FILIP1L: variants seen among roughly 807,000 people sequenced by gnomAD.
FILIP1L encodes filamin A interacting protein 1 like.
A neutral mutation model predicts 96.6 loss-of-function variants in FILIP1L; 55 were observed. The observed-to-expected ratio is 0.57, with a 90% CI of 0.46 to 0.71. The LOEUF is 0.71. Ranked by LOEUF, FILIP1L falls within the 30% of genes least tolerant of loss-of-function variation. FILIP1L has a pLI of 0.00. For synonymous variants in FILIP1L, 467 were observed against 473.9 expected, an observed-to-expected ratio of 0.99 and a Z score of 0.19; for missense variants, 1,304 against 1,321.2, an observed-to-expected ratio of 0.99 and a Z score of 0.20.
At chr3:100,000,644 G>T (rs1709816063) in intron 1 of FILIP1L, among the ~76,000 whole-genome samples, 1 of 152,200 alleles carries the variant, frequency 6.6e-6, no homozygotes, top group Non-Finnish European at 1.5e-5. Context: ...GGGCCCAGGA[G>T]TTCAAGGCCA....
At chr3:100,000,639 C>G (rs1259175521) in intron 1 of FILIP1L, among the ~76,000 whole-genome samples, 1 of 152,164 alleles carries the variant, frequency 6.6e-6, no homozygotes, top group Admixed American at 6.5e-5. Flanking sequence ...TGCTTGGGCC[C>G]AGGAGTTCAA....
At position 99,850,830 on chromosome 3, in the gene FILIP1L, C is replaced by A. The variant is rs761305455; in HGVS notation, c.846G>T (p.Gln282His). 1 of 1,614,140 alleles carries A rather than the reference C, an allele frequency of 6.2e-7. No individual in the cohort carries two copies. Among genetic ancestry groups the A allele is most frequent in the South Asian group, 1.1e-5 (1 of 91,076 alleles). The change falls in exon 5 of 6, where the codon CAG becomes CAT. Residue 282 changes from glutamine (Q) to histidine (H), a missense_variant. By Grantham distance (24) the Gln-to-His change is conservative (BLOSUM62 0). Coordinates refer to ENST00000477258, the MANE Select transcript of FILIP1L (RefSeq NM_001387850.1). Reference sequence around the variant, plus strand: ...GTCTGGTTGCCTTCTGCTCTTCCTCCTGAACTCTGGCTTCAGCAAGGGCTA... The same window carrying A: ...GTCTGGTTGCCTTCTGCTCTTCCTCATGAACTCTGGCTTCAGCAAGGGCTA... The part of the protein sequence containing the change: ...TKLALAEARV[Q>H]EEEQKATRLE...
At chr3:99,935,420 G>T (rs1300083547) in intron 1 of FILIP1L, among the ~76,000 whole-genome samples, 1 of 152,200 alleles carries the variant, frequency 6.6e-6, no homozygotes, top group Non-Finnish European at 1.5e-5. Context: ...ATCTGTGACT[G>T]TCATAACCCT....
intron 4 of FILIP1L, among the ~76,000 whole-genome samples, chr3:99,875,379 C>G (rs1485627674): frequency 6.6e-6 from 1 of 152,104 alleles, no homozygotes; most frequent in East Asian, 1.9e-4. Flanking sequence ...TAATATACTA[C>G]TATCCAAAAT....
chr3:100,055,191 T>C (rs1054447437), intron 1 of FILIP1L, among the ~76,000 whole-genome samples: 23 of 152,202 alleles, frequency 1.5e-4, no homozygotes, highest in African/African-American at 3.9e-4. Context: ...CCTACTCTTA[T>C]CAATTTCTTC....
chr3:99,912,791 C>T (rs1382665361), intron 4 of FILIP1L, among the ~76,000 whole-genome samples: 1 of 152,204 alleles, frequency 6.6e-6, no homozygotes, highest in Non-Finnish European at 1.5e-5. Flanking sequence ...TCTTGACTAT[C>T]ATGAATAATG....
At chr3:100,068,350 CTG>C (rs62958661) in intron 1 of FILIP1L, among the ~76,000 whole-genome samples, 36,312 of 149,302 alleles carry the variant, frequency 0.24, 4,437 homozygotes, top group South Asian at 0.28. Context: ...GAAAGAGCCT[CTG>C]TGTGTGTGTG....
At chr3:99,973,555 T>G (rs146183489) in intron 1 of FILIP1L, among the ~76,000 whole-genome samples, 107 of 152,366 alleles carry the variant, frequency 7.0e-4, no homozygotes, top group African/African-American at 2.5e-3. Context: ...AAACTAATGT[T>G]GCTTTATTTC....
intron 1 of FILIP1L, among the ~76,000 whole-genome samples, chr3:99,939,707 T>G (rs545516630): frequency 2.0e-5 from 3 of 152,338 alleles, no homozygotes; most frequent in African/African-American, 7.2e-5. Flanking sequence ...TTCTTCCAGT[T>G]TAGCTTATCA....
At chr3:100,038,813 A>G (rs1308973143) in intron 1 of FILIP1L, among the ~76,000 whole-genome samples, 1 of 152,144 alleles carries the variant, frequency 6.6e-6, no homozygotes, top group Non-Finnish European at 1.5e-5. Context: ...CTCCTTATGT[A>G]CTGATACAGC....
chr3:99,963,960 A>G (rs999295870), intron 1 of FILIP1L, among the ~76,000 whole-genome samples: 2 of 152,302 alleles, frequency 1.3e-5, no homozygotes, highest in Middle Eastern at 3.4e-3. Context: ...CATAACGAAA[A>G]TGATCAGTAG....
At chr3:99,891,248 T>C (rs1228335585) in intron 4 of FILIP1L, among the ~76,000 whole-genome samples, 1 of 152,156 alleles carries the variant, frequency 6.6e-6, no homozygotes, top group East Asian at 1.9e-4. Context: ...GTCTGGGTAA[T>C]GTGGGTACTT....
chr3:99,958,756 G>A (rs1415003434), intron 1 of FILIP1L, among the ~76,000 whole-genome samples: 1 of 152,034 alleles, frequency 6.6e-6, no homozygotes, highest in South Asian at 2.1e-4. Context: ...TGGGGCTAGA[G>A]CTTGAGGTTT....
intron 1 of FILIP1L, among the ~76,000 whole-genome samples, chr3:99,942,487 A>G (rs1347667757): frequency 6.6e-6 from 1 of 152,208 alleles, no homozygotes; most frequent in African/African-American, 2.4e-5. Context: ...TTCATAATAA[A>G]AGATTTGAAA....
intron 1 of FILIP1L, among the ~76,000 whole-genome samples, chr3:100,103,006 G>A (rs755672148): frequency 2.0e-5 from 3 of 152,186 alleles, no homozygotes; most frequent in Non-Finnish European, 2.9e-5. Flanking sequence ...AGGTGCCAGT[G>A]GAGGAAAAAA....
At chr3:99,907,184 G>A (rs793464) in intron 4 of FILIP1L, among the ~76,000 whole-genome samples, 67,314 of 151,928 alleles carry the variant, frequency 0.44, 15,386 homozygotes, top group African/African-American at 0.54. Flanking sequence ...ACTTTGTCAC[G>A]TTATCATAGT....
chr3:100,011,158 C>T (rs1710145046), intron 1 of FILIP1L, among the ~76,000 whole-genome samples: 1 of 152,052 alleles, frequency 6.6e-6, no homozygotes, highest in African/African-American at 2.4e-5. Flanking sequence ...TTACTTTTCC[C>T]TAATGGTTCT....
intron 1 of FILIP1L, among the ~76,000 whole-genome samples, chr3:100,031,381 C>G (rs1043105791): frequency 1.3e-5 from 2 of 151,998 alleles, no homozygotes; most frequent in Non-Finnish European, 2.9e-5. Flanking sequence ...CTCGTTTCCA[C>G]TCATCCTGGA....
chr3:100,026,009 A>G (rs968221705), intron 1 of FILIP1L, among the ~76,000 whole-genome samples: 1 of 152,142 alleles, frequency 6.6e-6, no homozygotes, highest in East Asian at 1.9e-4. Flanking sequence ...CCCAGGCAAT[A>G]TGGACACAGA....
Sources: gnomAD v4.1 joint callset for allele counts (sites outside exome capture counted in the v4.1 genomes callset) on GRCh38, gnomAD v4.1.1 for gene constraint, MANE v1.5 for transcripts, NCBI Gene and HGNC (gene_info 2026-07-23, HGNC 2026-07-21) for gene names.